The following SLU7 variants were observed in gnomAD, a reference collection of about 807,000 sequenced individuals.
The protein encoded by SLU7 is spliceosome associated SLU7, also known as pre-mRNA-splicing factor SLU7.
In SLU7, 60 loss-of-function variants were observed where a neutral mutation model predicts 87.0. The observed-to-expected ratio is 0.69, with a 90% CI of 0.56 to 0.86. The LOEUF is 0.86. Among genes scored for constraint, SLU7 ranks in the 40% least tolerant of loss-of-function variants. The pLI is 0.00. For synonymous variants in SLU7, 197 were observed against 222.0 expected (o/e 0.89, Z 1.00); for missense variants, 507 against 686.6 (o/e 0.74, Z 2.92).
chr5:160,412,697 C>G (rs17057774), intron 5 of SLU7, among the ~76,000 whole-genome samples, 178 bp from the exon 6 acceptor site: 2,130 of 151,918 alleles, frequency 0.014, 57 homozygotes, highest in African/African-American at 0.049. Flanking sequence ...AGCCCTAGAC[C>G]TATTACTCTA....
At position 160,417,725 on chromosome 5, in the gene SLU7, G is replaced by C. The variant is rs1239635688; in HGVS notation, c.-17+1298C>G. Among the ~76,000 whole-genome samples the C allele has an allele frequency of 2.1e-5, 3 of 141,672 alleles. No homozygotes were observed. In the East Asian group the frequency reaches 6.1e-4, roughly 29 times the overall value. 92.9% of individuals were successfully genotyped at this position (141,672 alleles called of 152,430 possible). A position where few individuals can be genotyped will look rare whatever the true frequency, so the allele number is the denominator to read the frequency against. Reference sequence around the variant, plus strand: ...GAGAATCACCTGAACCCAGGAGGCCGATATTGCAGTGAGCTGATATTGCGT... The same window carrying C: ...GAGAATCACCTGAACCCAGGAGGCCCATATTGCAGTGAGCTGATATTGCGT... On this transcript the variant is annotated intron_variant, in intron 1 of 15. Coordinates refer to ENST00000297151, the MANE Select transcript of SLU7 (RefSeq NM_006425.5).
At chr5:160,412,036 G>A (rs972409428) in intron 6 of SLU7, among the ~76,000 whole-genome samples, 1 of 152,108 alleles carries the variant, frequency 6.6e-6, no homozygotes, top group Non-Finnish European at 1.5e-5. Flanking sequence ...CTTGAGAAAT[G>A]CCATTTTAAG....
Position 160,415,217 on chromosome 5 carries a change from C to T in SLU7, c.78G>A (p.Lys26=). The T allele has an allele frequency of 1.2e-6, 2 of 1,611,724 alleles. No individual in the cohort carries two copies. The highest frequency in any genetic ancestry group is 1.7e-6 in the Non-Finnish European group (2 of 1,179,066). ...GSKEMSLEEP[K]KMTREDWRKK... ...TTCTCCAGTCCTCTCTGGTCATCTT[C>T]TTTGGTTCTTCCAAACTCATTTCTT... Residue 26 remains lysine (K), a synonymous_variant, in exon 2 of 16, where the codon AAG becomes AAA. Coordinates refer to ENST00000297151, the MANE Select transcript of SLU7 (RefSeq NM_006425.5).
chr5:160,406,406 G>T, intron 12 of SLU7, 62 bp downstream of exon 12: 1 of 1,263,026 alleles, frequency 7.9e-7, no homozygotes, highest in Non-Finnish European at 1.1e-6. Flanking sequence ...AAGTTGTAGT[G>T]GAAAAATGCA....
chr5:160,415,757 A>G (rs1765426219), intron 1 of SLU7, among the ~76,000 whole-genome samples: 1 of 152,168 alleles, frequency 6.6e-6, no homozygotes, highest in Non-Finnish European at 1.5e-5. Flanking sequence ...ATTCCCTACC[A>G]TTCTAAAGAA....
intron 1 of SLU7, among the ~76,000 whole-genome samples, chr5:160,417,435 T>A (rs1765502943): frequency 6.6e-6 from 1 of 152,200 alleles, no homozygotes; most frequent in Non-Finnish European, 1.5e-5. Context: ...GGTTTTACAC[T>A]TATTTAAACT....
chr5:160,404,933 A>G lies in SLU7; in HGVS notation c.1393-53T>C, dbSNP rs1480925766. The G allele has an allele frequency of 1.7e-5, 26 of 1,519,704 alleles. 1 individual carries two copies. The Admixed American group carries it at 3.5e-4, about 21-fold the overall frequency. 94.1% of individuals were successfully genotyped at this position (1,519,704 alleles called of 1,614,324 possible). A position where few individuals can be genotyped will look rare whatever the true frequency, so the allele number is the denominator to read the frequency against. ...GAGTGTCATAGTTACTAATCATCTA[A>G]GAACAAGTTAAAATTTGAAACATGA... On this transcript the variant is annotated intron_variant, in intron 13 of 15. Coordinates refer to ENST00000297151, the MANE Select transcript of SLU7 (RefSeq NM_006425.5).
chr5:160,413,400 A>C, intron 5 of SLU7, 56 bp downstream of exon 5: 1 of 1,517,244 alleles, frequency 6.6e-7, no homozygotes, highest in South Asian at 1.2e-5. Context: ...GCTGCTAGAG[A>C]TACAGCAAAA....
chr5:160,401,731 T>C lies in SLU7; in HGVS notation c.*1554A>G, dbSNP rs2113079448. The C allele has an allele frequency of 6.6e-6, 1 of 152,336 alleles. No homozygotes were observed. The highest frequency in any genetic ancestry group is 1.5e-5 in the Non-Finnish European group (1 of 68,032). The allele number at this position is 152,336 out of a possible 1,614,324, so 9.4% of individuals were successfully genotyped here. The stretch of plus-strand genomic sequence containing the variant: ...CAGCCTTTATGTTGAACCACCCTGT[T>C]TAGGTAGGAAAATGAACATTGTTTT... On this transcript the variant is annotated 3_prime_UTR_variant, in exon 16 of 16. Transcript: ENST00000297151.
At position 160,406,736 on chromosome 5, in the gene SLU7, G is replaced by T. The variant is rs192956762; in HGVS notation, c.1126-107C>A. 348 of 973,796 alleles carry T rather than the reference G, an allele frequency of 3.6e-4. 1 individual carries two copies. In the African/African-American group the frequency reaches 5.3e-3, roughly 15 times the overall value. 60.3% of individuals were successfully genotyped at this position (973,796 alleles called of 1,614,324 possible). ...AGAAAGAAAGGGAACATTCTTTACT[G>T]GGTTTTGTTATAGAAAGCACAGTAG... On this transcript the variant is annotated intron_variant, in intron 11 of 15. Transcript: ENST00000297151.
chr5:160,406,857 T>C (rs1241125932), intron 11 of SLU7, among the ~76,000 whole-genome samples: 1 of 152,218 alleles, frequency 6.6e-6, no homozygotes, highest in African/African-American at 2.4e-5. Flanking sequence ...TGGCCATAAA[T>C]TCCTCTTATC....
At position 160,407,937 on chromosome 5, in the gene SLU7, A is replaced by T; in HGVS notation, c.917+34T>A. 8 of 1,524,904 alleles carry T rather than the reference A, an allele frequency of 5.2e-6. No homozygotes were observed. The highest frequency in any genetic ancestry group is 7.3e-6 in the Non-Finnish European group (8 of 1,099,968). The allele number at this position is 1,524,904 out of a possible 1,614,324, so 94.5% of individuals were successfully genotyped here. ...GTCAGAAAACAATTAACTTTCTCTCATCTTAAAATCTGTACATTTAACTTG... is the reference window on the plus strand; with the variant it reads ...GTCAGAAAACAATTAACTTTCTCTCTTCTTAAAATCTGTACATTTAACTTG... On this transcript the variant is annotated intron_variant, in intron 9 of 15. Coordinates refer to ENST00000297151, the MANE Select transcript of SLU7 (RefSeq NM_006425.5). The surrounding 1 kb of genome is among the most constrained non-coding windows in gnomAD (Gnocchi z 4.2).
chr5:160,404,564 G>T lies in SLU7; in HGVS notation c.1465-8C>A, dbSNP rs771060768. 8 of 1,538,984 alleles carry T rather than the reference G, an allele frequency of 5.2e-6. No homozygotes were observed. Among genetic ancestry groups the T allele is most frequent in the Middle Eastern group, 2.0e-4 (1 of 5,098 alleles). On this transcript the variant is annotated splice_polypyrimidine_tract_variant and splice_region_variant and intron_variant, in intron 14 of 15. Transcript: ENST00000297151. Reference sequence around the variant, plus strand: ...CAGTTTTTCTTGATGCAGCTGAAAGGGAGGATTGAAATGCAGTGTTATTAA... The same window carrying T: ...CAGTTTTTCTTGATGCAGCTGAAAGTGAGGATTGAAATGCAGTGTTATTAA...
At chr5:160,403,520 C>CA (rs1329997369) in intron 15 of SLU7, 56 bp from the exon 16 acceptor site, 6 of 1,456,258 alleles carry the variant, frequency 4.1e-6, no homozygotes, top group Admixed American at 2.3e-5. Flanking sequence ...GTCTTTTCTT[C>CA]AAAAGTGGCA....
intron 15 of SLU7, 56 bp from the exon 16 acceptor site, chr5:160,403,520 C>T (rs1290291148): frequency 6.9e-7 from 1 of 1,456,138 alleles, no homozygotes; most frequent in East Asian, 2.4e-5. Flanking sequence ...GTCTTTTCTT[C>T]AAAAGTGGCA....
At chr5:160,405,580 GACA>G (rs201062176) in intron 12 of SLU7, among the ~76,000 whole-genome samples, 50,265 of 151,804 alleles carry the variant, frequency 0.33, 8,543 homozygotes, top group South Asian at 0.4. Context: ...AACTAAGAGA[GACA>G]ATTGTAGTTT....
chr5:160,409,572 A>C (rs1765149334), intron 6 of SLU7, among the ~76,000 whole-genome samples: 1 of 152,186 alleles, frequency 6.6e-6, no homozygotes, highest in Non-Finnish European at 1.5e-5. Flanking sequence ...ACTGAAATAC[A>C]CTTCTAGAAG....
chr5:160,405,229 A>G, intron 12 of SLU7, 94 bp from the exon 13 acceptor site: 1 of 881,068 alleles, frequency 1.1e-6, no homozygotes, highest in Non-Finnish European at 1.8e-6. Context: ...ACAGCCCATT[A>G]AAGGTAATTT....
chr5:160,412,536 A>AG lies in SLU7; in HGVS notation c.571-18_571-17insC. ...TCGTTTTGCCTTTAAAAAAAAAAAA[A>AG]AGAAAGAAAGAAAGAAAAAGTAAAC... On this transcript the variant is annotated splice_polypyrimidine_tract_variant and intron_variant, in intron 5 of 15. Coordinates refer to ENST00000297151, the MANE Select transcript of SLU7 (RefSeq NM_006425.5). 9.1e-7 allele frequency: 1 copy of AG among 1,095,614 alleles called. No homozygotes were observed. The highest frequency in any genetic ancestry group is 1.2e-6 in the Non-Finnish European group (1 of 812,990). The allele number at this position is 1,095,614 out of a possible 1,614,324, so 67.9% of individuals were successfully genotyped here. A position where few individuals can be genotyped will look rare whatever the true frequency, so the allele number is the denominator to read the frequency against.
Sources: gnomAD v4.1 joint callset for allele counts (sites outside exome capture counted in the v4.1 genomes callset) on GRCh38, gnomAD v4.1.1 for gene constraint, Gnocchi (gnomAD v3.1) non-coding constraint, MANE v1.5 for transcripts, NCBI Gene and HGNC (gene_info 2026-07-23, HGNC 2026-07-21) for gene names.